KCNIP4: variants seen among roughly 807,000 people sequenced by gnomAD.
KCNIP4 encodes the protein potassium voltage-gated channel interacting protein 4, also known as Kv channel-interacting protein 4.
In KCNIP4, 12 loss-of-function variants were observed where a neutral mutation model predicts 34.0. That is an observed-to-expected ratio of 0.35 (90% CI 0.23 to 0.57). The LOEUF is 0.57. Ranked by LOEUF, KCNIP4 falls within the 20% of genes least tolerant of loss-of-function variation. KCNIP4 has a pLI of 0.83. For missense variants in KCNIP4, 238 were observed against 311.7 expected, an observed-to-expected ratio of 0.76 and a Z score of 1.78; for synonymous variants, 124 against 102.2, an observed-to-expected ratio of 1.21 and a Z score of -1.29.
At chr4:21,402,149 G>A (rs1449808154) in intron 1 of KCNIP4, among the ~76,000 whole-genome samples, 1 of 152,180 alleles carries the variant, frequency 6.6e-6, no homozygotes, top group Non-Finnish European at 1.5e-5. Context: ...TTGAAATGCA[G>A]AATGAGAAAA....
At chr4:21,400,262 A>C (rs893805564) in intron 1 of KCNIP4, among the ~76,000 whole-genome samples, 1 of 152,114 alleles carries the variant, frequency 6.6e-6, no homozygotes, top group Non-Finnish European at 1.5e-5. Context: ...AAGGGCTCTA[A>C]TATGTCCAGA....
intron 1 of KCNIP4, among the ~76,000 whole-genome samples, chr4:21,546,607 T>C (rs1480754476): frequency 2.0e-5 from 3 of 152,162 alleles, no homozygotes; most frequent in African/African-American, 7.2e-5. Flanking sequence ...CATTTCCTAA[T>C]TGGCATATTA....
At chr4:21,880,120 G>A (rs1726380513) in intron 1 of KCNIP4, among the ~76,000 whole-genome samples, 1 of 152,098 alleles carries the variant, frequency 6.6e-6, no homozygotes, top group South Asian at 2.1e-4. Flanking sequence ...ATACATCTAT[G>A]TATAGTTGAC....
In KCNIP4 at chr4:21,533,665, G is replaced by A. The variant is rs192009804; in HGVS notation, c.61+414906C>T. 1.1e-3 allele frequency among the ~76,000 whole-genome samples: 169 copies of A among 152,204 alleles called. 3 individuals are homozygous for A. The highest frequency in any genetic ancestry group is 3.9e-3 in the African/African-American group (160 of 41,540). ...GAAAAACAGAAAAAAACTTTTAATA[G>A]TCCCTTATTTATTTCAGGTACTGTG... On this transcript the variant is annotated intron_variant, in intron 1 of 8. Transcript: ENST00000382152.
chr4:21,039,800 A>C lies in KCNIP4; in HGVS notation c.62-157091T>G, dbSNP rs970236096. 5.3e-5 allele frequency among the ~76,000 whole-genome samples: 8 copies of C among 152,166 alleles called. No homozygotes were observed. In the East Asian group the frequency reaches 1.5e-3, roughly 29 times the overall value. Reference sequence around the variant, plus strand: ...TAGATCCTCAATAAATGCTCATTTAATTAATTAATAGATGAGTGAACATAT... The same window carrying C: ...TAGATCCTCAATAAATGCTCATTTACTTAATTAATAGATGAGTGAACATAT... On this transcript the variant is annotated intron_variant, in intron 1 of 8. Transcript: ENST00000382152.
chr4:21,555,159 T>C (rs1401017411), intron 1 of KCNIP4, among the ~76,000 whole-genome samples: 1 of 152,070 alleles, frequency 6.6e-6, no homozygotes, highest in African/African-American at 2.4e-5. Context: ...CTTTCCCCTG[T>C]GTTAAATTTG....
intron 1 of KCNIP4, among the ~76,000 whole-genome samples, chr4:21,084,906 T>G (rs893296667): frequency 4.0e-5 from 6 of 150,268 alleles, no homozygotes; most frequent in Admixed American, 4.0e-4. Flanking sequence ...AATAATTTAC[T>G]GCTACTGACT....
chr4:21,879,039 T>C (rs531708735), intron 1 of KCNIP4, among the ~76,000 whole-genome samples: 3 of 152,342 alleles, frequency 2.0e-5, no homozygotes, highest in Admixed American at 6.5e-5. Context: ...TAGATTATCA[T>C]GTGCTGCCTA....
chr4:20,864,146 C>T (rs190567859), intron 2 of KCNIP4, among the ~76,000 whole-genome samples: 1 of 121,124 alleles, frequency 8.3e-6, no homozygotes, highest in Non-Finnish European at 2.0e-5. Context: ...GTATACATAT[C>T]CATGTATGCA....
chr4:21,126,047 T>C (rs1750588529), intron 1 of KCNIP4, among the ~76,000 whole-genome samples: 1 of 152,040 alleles, frequency 6.6e-6, no homozygotes, highest in East Asian at 1.9e-4. Context: ...GAGTTCATGA[T>C]TGAGACAGGG....
chr4:21,208,442 G>C (rs1465142399), intron 1 of KCNIP4, among the ~76,000 whole-genome samples: 1 of 152,114 alleles, frequency 6.6e-6, no homozygotes, highest in African/African-American at 2.4e-5. Flanking sequence ...AGACAAAATA[G>C]TCTCTTCATA....
chr4:21,056,943 A>C (rs1367325534), intron 1 of KCNIP4, among the ~76,000 whole-genome samples: 1 of 152,146 alleles, frequency 6.6e-6, no homozygotes, highest in Admixed American at 6.6e-5. Context: ...CTAAGGTCTG[A>C]CTGATACACA....
intron 1 of KCNIP4, among the ~76,000 whole-genome samples, chr4:21,688,691 T>A (rs1751002539): frequency 3.3e-5 from 5 of 152,066 alleles, no homozygotes; most frequent in Admixed American, 2.6e-4. Context: ...GGAAATTTGC[T>A]CCAGGCAGAC....
intron 1 of KCNIP4, among the ~76,000 whole-genome samples, chr4:21,287,220 T>G (rs1391775267): frequency 6.6e-6 from 1 of 152,202 alleles, no homozygotes; most frequent in East Asian, 1.9e-4. Context: ...CATAGACTTC[T>G]GCATCGCCTG....
intron 1 of KCNIP4, among the ~76,000 whole-genome samples, chr4:21,540,309 GGT>G (rs1477496959): frequency 6.6e-6 from 1 of 151,996 alleles, no homozygotes; most frequent in Non-Finnish European, 1.5e-5. Context: ...TATAGTATAC[GGT>G]CACACTGTCA....
At chr4:21,735,769 G>C (rs1180343007) in intron 1 of KCNIP4, among the ~76,000 whole-genome samples, 1 of 152,108 alleles carries the variant, frequency 6.6e-6, no homozygotes, top group Non-Finnish European at 1.5e-5. Flanking sequence ...GCGAAGAATG[G>C]GGACTAGCCT....
chr4:20,973,915 G>C (rs141682879), intron 1 of KCNIP4, among the ~76,000 whole-genome samples: 3 of 151,892 alleles, frequency 2.0e-5, no homozygotes, highest in Admixed American at 6.6e-5. Flanking sequence ...TTATTCCTGA[G>C]GTATATGGTA....
At chr4:21,942,068 A>C (rs1730233384) in intron 1 of KCNIP4, among the ~76,000 whole-genome samples, 1 of 152,178 alleles carries the variant, frequency 6.6e-6, no homozygotes, top group Non-Finnish European at 1.5e-5. Context: ...GCCTTGACAC[A>C]CTTTTCACTT....
chr4:21,341,743 T>C (rs1055440422), intron 1 of KCNIP4, among the ~76,000 whole-genome samples: 2 of 152,172 alleles, frequency 1.3e-5, no homozygotes, highest in African/African-American at 4.8e-5. Context: ...TGGCCTCAAG[T>C]CTTTGGCAAA....
Sources: gnomAD v4.1 joint callset for allele counts (sites outside exome capture counted in the v4.1 genomes callset) on GRCh38, gnomAD v4.1.1 for gene constraint, MANE v1.5 for transcripts, NCBI Gene and HGNC (gene_info 2026-07-23, HGNC 2026-07-21) for gene names.